The following ZMYND11 variants were observed in gnomAD, a reference collection of about 807,000 sequenced individuals.
ZMYND11 encodes zinc finger MYND-type containing 11.
ZMYND11 carries 9 observed loss-of-function variants against 84.9 expected under a neutral mutation model. The observed-to-expected ratio is 0.11, with a 90% confidence interval of 0.06 to 0.18. The LOEUF (loss-of-function observed/expected upper bound fraction) is 0.18. ZMYND11 is among the 10% of genes least tolerant of loss of function. The pLI, the probability that ZMYND11 is intolerant of heterozygous loss-of-function variation, is 1.00. For synonymous variants in ZMYND11, 250 were observed against 244.1 expected (o/e 1.02, Z -0.23); for missense variants, 409 against 761.0 (o/e 0.54, Z 5.44).
At chr10:174,419 C>T (rs1846078294) in intron 1 of ZMYND11, among the ~76,000 whole-genome samples, 1 of 152,218 alleles carries the variant, frequency 6.6e-6, no homozygotes, top group South Asian at 2.1e-4. Context: ...ATAGGTGGAG[C>T]ACAGACAATT....
At chr10:243,154 A>C (rs1951388885) in intron 10 of ZMYND11, among the ~76,000 whole-genome samples, 1 of 152,202 alleles carries the variant, frequency 6.6e-6, no homozygotes, top group Non-Finnish European at 1.5e-5. Flanking sequence ...TAATCTTGAT[A>C]CATTAGTCAG....
intron 1 of ZMYND11, among the ~76,000 whole-genome samples, chr10:167,663 C>T (rs1844324560): frequency 6.6e-6 from 1 of 152,030 alleles, no homozygotes; most frequent in Admixed American, 6.6e-5. Flanking sequence ...ATGTTCTATG[C>T]CTGCCACATA....
intron 1 of ZMYND11, among the ~76,000 whole-genome samples, chr10:159,718 C>T (rs1358452072): frequency 2.0e-5 from 3 of 151,888 alleles, no homozygotes; most frequent in Non-Finnish European, 4.4e-5. Context: ...ACTTTGTTTA[C>T]CGTGTATTTG....
At chr10:203,812 T>C (rs1943661647) in intron 2 of ZMYND11, among the ~76,000 whole-genome samples, 3 of 152,180 alleles carry the variant, frequency 2.0e-5, no homozygotes, top group Admixed American at 2.0e-4. Context: ...CTGGAAGGAA[T>C]CAAGCTCTAG....
chr10:200,094 A>G (rs1054415271), intron 2 of ZMYND11, among the ~76,000 whole-genome samples: 20 of 151,430 alleles, frequency 1.3e-4, no homozygotes, highest in African/African-American at 4.6e-4. Context: ...GGAATGATGA[A>G]TACACACCAT....
At chr10:250,349 G>A (rs765136004) in intron 14 of ZMYND11, among the ~76,000 whole-genome samples, 3 of 152,330 alleles carry the variant, frequency 2.0e-5, no homozygotes, top group Middle Eastern at 3.4e-3. Flanking sequence ...ACCCAAAGAC[G>A]CCAGGTGCAG....
intron 1 of ZMYND11, among the ~76,000 whole-genome samples, chr10:170,424 A>G (rs1056150006): frequency 5.7e-5 from 4 of 69,798 alleles, no homozygotes; most frequent in Non-Finnish European, 1.1e-4. Context: ...GTATTTGATT[A>G]TGTGTGCGTG....
chr10:247,962 G>A (rs1021264086), intron 12 of ZMYND11, among the ~76,000 whole-genome samples: 2 of 152,174 alleles, frequency 1.3e-5, no homozygotes, highest in Non-Finnish European at 2.9e-5. Flanking sequence ...TTGAGGAAAT[G>A]TGTTAATGAA....
chr10:198,063 A>G (rs1942236379), intron 2 of ZMYND11: 2 of 511,122 alleles, frequency 3.9e-6, no homozygotes, highest in Non-Finnish European at 7.0e-6. Context: ...TTAATAATGT[A>G]AAAAGATTCA....
At chr10:153,383 T>C (rs1463399503) in intron 1 of ZMYND11, among the ~76,000 whole-genome samples, 76 of 152,240 alleles carry the variant, frequency 5.0e-4, no homozygotes, top group East Asian at 1.9e-4. Flanking sequence ...AGACAGTGAT[T>C]GTGTCATTGT....
chr10:209,962 C>A lies in ZMYND11; in HGVS notation c.190C>A (p.Leu64Ile). The A allele has an allele frequency of 6.2e-7, 1 of 1,614,066 alleles. No individual in the cohort carries two copies. Among genetic ancestry groups the A allele is most frequent in the Non-Finnish European group, 8.5e-7 (1 of 1,179,984 alleles). ...RQLSLAVKDG[L>I]IVETLTVGCK... ...GCTGAGCTTAGCTGTGAAAGATGGT[C>A]TTATTGTCGAAACTCTAACAGTGGG... Residue 64 changes from leucine to isoleucine, a missense_variant, in exon 3 of 15, where the codon CTT becomes ATT. Leu to Ile is a conservative substitution (Grantham distance 5, BLOSUM62 2). This residue lies in a region of ZMYND11 where 73 missense variants were observed against 185.8 expected (regional missense o/e 0.39). Coordinates refer to ENST00000381604, the MANE Select transcript of ZMYND11 (RefSeq NM_001370100.5).
chr10:200,491 G>C (rs766004904), intron 2 of ZMYND11, among the ~76,000 whole-genome samples: 1 of 151,026 alleles, frequency 6.6e-6, no homozygotes, highest in Non-Finnish European at 1.5e-5. Flanking sequence ...TATTGCCCAG[G>C]CTGATCTTGA....
chr10:167,483 A>T (rs1372134600), intron 1 of ZMYND11, among the ~76,000 whole-genome samples: 4 of 152,136 alleles, frequency 2.6e-5, no homozygotes, highest in African/African-American at 7.2e-5. Context: ...TAATTAAAAA[A>T]TTTTTTAAAA....
At chr10:173,190 TAA>T (rs1554766105) in intron 1 of ZMYND11, among the ~76,000 whole-genome samples, 1 of 152,208 alleles carries the variant, frequency 6.6e-6, no homozygotes, top group East Asian at 1.9e-4. Flanking sequence ...TGTGTGGTGA[TAA>T]TATTTTAGGT....
intron 1 of ZMYND11, among the ~76,000 whole-genome samples, chr10:176,047 A>T (rs1346603366): frequency 6.6e-6 from 1 of 152,176 alleles, no homozygotes; most frequent in Admixed American, 6.5e-5. Flanking sequence ...TGTATATATC[A>T]CCAAGCAACT....
intron 1 of ZMYND11, among the ~76,000 whole-genome samples, chr10:168,957 A>C (rs1231879783): frequency 6.6e-6 from 1 of 152,030 alleles, no homozygotes; most frequent in African/African-American, 2.4e-5. Flanking sequence ...TTGAGTTTTT[A>C]CCTCTAGGAG....
chr10:180,645 C>T lies in ZMYND11; in HGVS notation c.116+517C>T, dbSNP rs554528007. 2.1e-4 allele frequency among the ~76,000 whole-genome samples: 32 copies of T among 152,332 alleles called. 1 individual carries two copies. In the South Asian group the frequency reaches 4.4e-3, roughly 21 times the overall value. On this transcript the variant is annotated intron_variant, in intron 2 of 14. Coordinates refer to ENST00000381604, the MANE Select transcript of ZMYND11 (RefSeq NM_001370100.5). ...CAAACTCCTGACCTCGTGATTCGCC[C>T]GCCTTGGCGTCCCAAAGTGCTGGGA...
At chr10:163,740 A>G (rs1843411006) in intron 1 of ZMYND11, among the ~76,000 whole-genome samples, 1 of 152,054 alleles carries the variant, frequency 6.6e-6, no homozygotes, top group African/African-American at 2.4e-5. Context: ...GCTAGTCTCA[A>G]ATACCTGGTT....
intron 3 of ZMYND11, among the ~76,000 whole-genome samples, chr10:218,913 T>C (rs1487709928): frequency 6.6e-6 from 1 of 152,218 alleles, no homozygotes; most frequent in Non-Finnish European, 1.5e-5. Context: ...AAATGTTTCC[T>C]GGATTCAGAG....
Sources: gnomAD v4.1 joint callset for allele counts (sites outside exome capture counted in the v4.1 genomes callset) on GRCh38, gnomAD v4.1.1 for gene constraint, gnomAD v4.1.1 regional missense constraint, MANE v1.5 for transcripts, NCBI Gene and HGNC (gene_info 2026-07-23, HGNC 2026-07-21) for gene names.